TTC28: variants seen among roughly 807,000 people sequenced by gnomAD.
TTC28 encodes tetratricopeptide repeat protein 28.
Under a neutral mutation model 198.0 loss-of-function variants are expected in TTC28, and 61 were observed. The ratio of observed to expected loss-of-function variants is 0.31; its 90% CI spans 0.25 to 0.38. The LOEUF (loss-of-function observed/expected upper bound fraction) is 0.38, where lower values mean the gene tolerates loss of function less well. Among genes scored for constraint, TTC28 ranks in the 10% least tolerant of loss-of-function variants. TTC28 has a pLI of 1.00. For missense variants in TTC28, 2,678 were observed against 3,164.0 expected (o/e 0.85, Z 3.69); for synonymous variants, 1,171 against 1,297.8 (o/e 0.90, Z 2.10).
chr22:28,299,644 T>A (rs2044976713), intron 3 of TTC28, among the ~76,000 whole-genome samples: 1 of 152,172 alleles, frequency 6.6e-6, no homozygotes, highest in African/African-American at 2.4e-5. Flanking sequence ...AGTTTGGTAG[T>A]CAATGTTGAT....
At chr22:28,586,270 C>T (rs1432630526) in intron 2 of TTC28, among the ~76,000 whole-genome samples, 1 of 148,454 alleles carries the variant, frequency 6.7e-6, no homozygotes, top group Non-Finnish European at 1.5e-5. Flanking sequence ...CTGAGCGAGA[C>T]TCCGTCTCAA....
intron 2 of TTC28, among the ~76,000 whole-genome samples, chr22:28,553,738 C>T (rs891002662): frequency 3.3e-5 from 5 of 151,588 alleles, no homozygotes; most frequent in Non-Finnish European, 5.9e-5. Flanking sequence ...CTGCCCCGTC[C>T]GGGAGGGAGG....
At chr22:28,437,109 G>A (rs2047531731) in intron 2 of TTC28, among the ~76,000 whole-genome samples, 1 of 152,002 alleles carries the variant, frequency 6.6e-6, no homozygotes, top group South Asian at 2.1e-4. Flanking sequence ...TTGAGACAGA[G>A]TCTCGCTCTG....
intron 2 of TTC28, among the ~76,000 whole-genome samples, chr22:28,529,123 C>G (rs561077815): frequency 6.6e-6 from 1 of 152,068 alleles, no homozygotes; most frequent in African/African-American, 2.4e-5. Flanking sequence ...TCGCCTCACC[C>G]GGGAAGCGCA....
chr22:28,442,736 A>G (rs2047644215), intron 2 of TTC28: 1 of 152,406 alleles, frequency 6.6e-6, no homozygotes, highest in Non-Finnish European at 1.5e-5. Context: ...TCCCTAAGGG[A>G]CTGATGCAAG....
At chr22:28,660,338 C>G (rs2051722482) in intron 1 of TTC28, among the ~76,000 whole-genome samples, 1 of 151,466 alleles carries the variant, frequency 6.6e-6, no homozygotes, top group South Asian at 2.1e-4. Context: ...AATTTTTTTT[C>G]TTTTAGAGAC....
chr22:28,292,677 T>C (rs935130849), intron 5 of TTC28, among the ~76,000 whole-genome samples: 2 of 152,260 alleles, frequency 1.3e-5, no homozygotes, highest in African/African-American at 4.8e-5. Context: ...ATTCCAAGTT[T>C]CACCTGTTTC....
At chr22:28,001,183 T>C in intron 15 of TTC28, 191 bp downstream of exon 15, 1 of 628,864 alleles carries the variant, frequency 1.6e-6, no homozygotes, top group South Asian at 2.6e-5. Context: ...TGGCCAGGGG[T>C]CATGAGGGCC....
rs552831932 is a variant in TTC28, at chr22:28,247,580, T to C, written c.933+48618A>G. 8.5e-5 allele frequency among the ~76,000 whole-genome samples: 13 copies of C among 152,228 alleles called. No individual in the cohort carries two copies. In the South Asian group the frequency reaches 2.3e-3, roughly 27 times the overall value. ...TCAGAGCTACCTATAACAGACGACATCTCACCATTCTCTGAGCACACAGAG... is the reference window on the plus strand; with the variant it reads ...TCAGAGCTACCTATAACAGACGACACCTCACCATTCTCTGAGCACACAGAG... On this transcript the variant is annotated intron_variant, in intron 5 of 22. Coordinates refer to ENST00000397906, the MANE Select transcript of TTC28 (RefSeq NM_001145418.2).
At chr22:28,576,869 CTT>C (rs1290041196) in intron 2 of TTC28, among the ~76,000 whole-genome samples, 1 of 151,836 alleles carries the variant, frequency 6.6e-6, no homozygotes, top group Non-Finnish European at 1.5e-5. Context: ...GGTCTTCTCT[CTT>C]TTTTTCCTAG....
intron 5 of TTC28, among the ~76,000 whole-genome samples, chr22:28,261,934 G>A (rs1326755988): frequency 1.3e-5 from 2 of 152,110 alleles, no homozygotes; most frequent in Non-Finnish European, 2.9e-5. Context: ...TAGATGACTT[G>A]AGATCTAATA....
At chr22:28,010,562 C>T (rs929968200) in intron 14 of TTC28, among the ~76,000 whole-genome samples, 2 of 152,202 alleles carry the variant, frequency 1.3e-5, no homozygotes, top group African/African-American at 4.8e-5. Flanking sequence ...AGTACAGAGC[C>T]GCCACAATAG....
intron 2 of TTC28, among the ~76,000 whole-genome samples, chr22:28,326,636 T>C (rs1267482511): frequency 6.6e-6 from 1 of 152,206 alleles, no homozygotes; most frequent in East Asian, 1.9e-4. Flanking sequence ...AAAAGACAGA[T>C]ACCTTTTACT....
intron 12 of TTC28, among the ~76,000 whole-genome samples, chr22:28,086,107 G>A (rs1388740086): frequency 1.3e-5 from 2 of 152,070 alleles, no homozygotes; most frequent in Non-Finnish European, 2.9e-5. Flanking sequence ...AGATCAACGA[G>A]ACAGAAAGTT....
chr22:28,149,312 C>T (rs185954644), intron 6 of TTC28, among the ~76,000 whole-genome samples: 1 of 152,318 alleles, frequency 6.6e-6, no homozygotes, highest in Non-Finnish European at 1.5e-5. Flanking sequence ...CTTCCATGTT[C>T]ACTGAAGCAT....
chr22:28,036,024 C>T (rs909059195), intron 12 of TTC28, among the ~76,000 whole-genome samples: 4 of 152,064 alleles, frequency 2.6e-5, no homozygotes, highest in African/African-American at 9.7e-5. Context: ...ACTTAGACTC[C>T]CACTGTCAAT....
At chr22:28,645,469 A>G (rs968660027) in intron 1 of TTC28, among the ~76,000 whole-genome samples, 6 of 151,320 alleles carry the variant, frequency 4.0e-5, no homozygotes, top group African/African-American at 1.5e-4. Context: ...TCTACTAAAA[A>G]TACAAAATTT....
intron 15 of TTC28, 189 bp from the exon 16 acceptor site, chr22:27,999,449 T>A: frequency 1.2e-6 from 1 of 849,266 alleles, no homozygotes; most frequent in Non-Finnish European, 1.8e-6. Flanking sequence ...TTACTGAGAA[T>A]CATGCCTGCT....
At chr22:28,172,875 C>A (rs1922818371) in intron 5 of TTC28, among the ~76,000 whole-genome samples, 1 of 152,226 alleles carries the variant, frequency 6.6e-6, no homozygotes, top group Non-Finnish European at 1.5e-5. Context: ...TATTTTACTT[C>A]TTCACTCCTG....
Sources: gnomAD v4.1 joint callset for allele counts (sites outside exome capture counted in the v4.1 genomes callset) on GRCh38, gnomAD v4.1.1 for gene constraint, MANE v1.5 for transcripts, NCBI Gene and HGNC (gene_info 2026-07-23, HGNC 2026-07-21) for gene names.